Variants in OR2L13 observed in about 807,000 individuals in gnomAD.
The protein encoded by OR2L13 is olfactory receptor family 2 subfamily L member 13.
OR2L13 carries 14 observed loss-of-function variants against 15.3 expected under a neutral mutation model. The ratio of observed to expected loss-of-function variants is 0.91; its 90% confidence interval spans 0.60 to 1.43. The LOEUF (loss-of-function observed/expected upper bound fraction) is 1.43. Ranked by LOEUF, OR2L13 falls within the 40% of genes most tolerant of loss-of-function variation. The pLI is 0.00. For missense variants in OR2L13, 367 were observed against 387.9 expected (o/e 0.95, Z 0.45); for synonymous variants, 152 against 142.9 (o/e 1.06, Z -0.45).
the OR2L13 span, chr1:248,030,089 T>A: frequency 3.3e-5 from 5 of 152,138 alleles, no homozygotes; most frequent in East Asian, 9.6e-4. Flanking sequence ...AAATCTCGTG[T>A]GTAGGGAAGA....
chr1:248,025,249 C>G, the OR2L13 span, among the ~76,000 whole-genome samples: 2 of 146,996 alleles, frequency 1.4e-5, no homozygotes, highest in East Asian at 3.9e-4. Flanking sequence ...AACAAATTTA[C>G]AAGAAAAAAA....
chr1:248,083,754 G>T, the OR2L13 span: 1 of 1,614,006 alleles, frequency 6.2e-7, no homozygotes, highest in Non-Finnish European at 8.5e-7. Context: ...GTTTAGTAAA[G>T]GGGTGAACAT....
the OR2L13 span, among the ~76,000 whole-genome samples, chr1:248,056,839 A>C: frequency 1.3e-5 from 2 of 151,814 alleles, no homozygotes; most frequent in African/African-American, 2.4e-5. Flanking sequence ...TAGTAGACAC[A>C]GGGTTTCACT....
the OR2L13 span, among the ~76,000 whole-genome samples, chr1:248,008,751 A>C: frequency 1.2e-4 from 18 of 152,316 alleles, no homozygotes; most frequent in Admixed American, 8.5e-4. Flanking sequence ...TTAGCAATAC[A>C]TTGCACTTAT....
chr1:248,033,369 G>A, the OR2L13 span, among the ~76,000 whole-genome samples: 1 of 151,984 alleles, frequency 6.6e-6, no homozygotes, highest in African/African-American at 2.4e-5. Context: ...TGGTTTGCTT[G>A]CCAAAAAAAT....
chr1:247,999,275 A>T, the OR2L13 span, among the ~76,000 whole-genome samples: 3 of 152,172 alleles, frequency 2.0e-5, no homozygotes, highest in Non-Finnish European at 4.4e-5. Flanking sequence ...GCACATCCTC[A>T]TTCCAAAATA....
the OR2L13 span, among the ~76,000 whole-genome samples, chr1:248,067,931 C>T: frequency 4.1e-4 from 62 of 152,268 alleles, no homozygotes; most frequent in Non-Finnish European, 4.9e-4. Flanking sequence ...AAGGTGGCAG[C>T]GAGGCTGGGG....
the OR2L13 span, among the ~76,000 whole-genome samples, chr1:248,029,583 T>C: frequency 6.6e-6 from 1 of 152,156 alleles, no homozygotes; most frequent in African/African-American, 2.4e-5. Context: ...TGTGAACATA[T>C]ATAATACCTA....
chr1:247,965,318 G>C, the OR2L13 span: 1 of 1,521,038 alleles, frequency 6.6e-7, no homozygotes. Flanking sequence ...CTTAAGGGAA[G>C]TCAACATTAT....
chr1:248,095,623 T>TTTTTTTTTTGTC (rs1037934922), upstream of OR2L13, among the ~76,000 whole-genome samples: 3 of 130,522 alleles, frequency 2.3e-5, no homozygotes, highest in African/African-American at 8.4e-5. Flanking sequence ...TTTTTTTTTT[T>TTTTTTTTTTGTC]TGAGATGGAG....
the OR2L13 span, among the ~76,000 whole-genome samples, chr1:247,986,900 T>G: frequency 1.3e-5 from 2 of 152,338 alleles, no homozygotes; most frequent in South Asian, 2.1e-4. Flanking sequence ...ATTATTGACA[T>G]CTTAACAGTG....
chr1:248,022,904 G>C, the OR2L13 span: 4 of 1,581,400 alleles, frequency 2.5e-6, no homozygotes, highest in South Asian at 2.3e-5. Context: ...TTCTGTGTTA[G>C]AGTCAAAGCG....
the OR2L13 span, among the ~76,000 whole-genome samples, chr1:248,027,829 C>G: frequency 6.6e-6 from 1 of 152,058 alleles, no homozygotes; most frequent in Non-Finnish European, 1.5e-5. Context: ...AATCAGCAAT[C>G]CCCACACTTT....
the OR2L13 span, chr1:248,013,711 G>A: frequency 6.6e-6 from 1 of 152,074 alleles, no homozygotes; most frequent in African/African-American, 2.4e-5. Context: ...AAGGCAGTGC[G>A]TGTTTGAAAT....
At chr1:247,938,879 C>T in the OR2L13 span, 2 of 152,152 alleles carry the variant, frequency 1.3e-5, no homozygotes, top group Admixed American at 6.5e-5. Flanking sequence ...TGTAGTGGTG[C>T]GTGTTCAGAT....
rs376300250 is a variant in OR2L13 at position 248,099,867 on chromosome 1, T to C, written c.492T>C (p.His164=). ...TGGCACACACAGTCTTTGCCCTTCA[T>C]ATTCCCTACTGCAGGTCTAGGGCTA... The change falls in exon 3 of 3, where the codon CAT becomes CAC. Residue 164 remains histidine, a synonymous_variant. Transcript: ENST00000641714. 53 of 1,614,052 alleles carry C rather than the reference T, an allele frequency of 3.3e-5. 3 individuals carry two copies. The Middle Eastern group carries it at 4.9e-4, about 15-fold the overall frequency.
the OR2L13 span, chr1:247,965,197 G>A: frequency 6.0e-6 from 4 of 671,434 alleles, no homozygotes; most frequent in Non-Finnish European, 9.4e-6. Context: ...CAGTATGCGA[G>A]AATGTGTTTG....
chr1:248,038,087 ATAAAT>A, the OR2L13 span: 718 of 500,458 alleles, frequency 1.4e-3, 4 homozygotes, highest in African/African-American at 0.013. Context: ...TGCCTAATTT[ATAAAT>A]TAAAGTTTAT....
chr1:248,003,474 T>C, the OR2L13 span: 1 of 1,609,654 alleles, frequency 6.2e-7, no homozygotes, highest in Non-Finnish European at 8.5e-7. Flanking sequence ...CTACTCCTGA[T>C]ATCAATGGCC....
Sources: allele counts gnomAD v4.1 joint callset (sites outside exome capture counted in the v4.1 genomes callset), GRCh38; gene constraint gnomAD v4.1.1; transcripts MANE v1.5; gene names NCBI Gene and HGNC (gene_info 2026-07-23, HGNC 2026-07-21).